The following ELAVL2 variants were observed in gnomAD, a reference collection of about 807,000 sequenced individuals.
ELAVL2 encodes ELAV-like protein 2.
Under a neutral mutation model 34.6 loss-of-function variants are expected in ELAVL2, and 4 were observed. That is an observed-to-expected ratio of 0.12 (90% confidence interval 0.06 to 0.26). The LOEUF is 0.26. ELAVL2 is among the 10% of genes least tolerant of loss of function. ELAVL2 has a pLI of 1.00. For synonymous variants in ELAVL2, 193 were observed against 154.8 expected (o/e 1.25, Z -1.83); for missense variants, 432 against 442.8 (o/e 0.98, Z 0.22).
chr9:23,708,536 T>A (rs1397064100), intron 3 of ELAVL2, among the ~76,000 whole-genome samples: 1 of 152,248 alleles, frequency 6.6e-6, no homozygotes, highest in Non-Finnish European at 1.5e-5. Context: ...TCACTTGTTC[T>A]GAGTTGGGAA....
At chr9:23,771,378 G>T (rs987367696) in intron 1 of ELAVL2, among the ~76,000 whole-genome samples, 1 of 152,036 alleles carries the variant, frequency 6.6e-6, no homozygotes, top group Non-Finnish European at 1.5e-5. Context: ...AGCAAAGGAA[G>T]AGATTTTATG....
intron 3 of ELAVL2, among the ~76,000 whole-genome samples, chr9:23,724,362 T>A (rs2044535675): frequency 6.6e-6 from 1 of 152,178 alleles, no homozygotes; most frequent in Non-Finnish European, 1.5e-5. Flanking sequence ...GCCTAGTTAT[T>A]GCCCTTTGAG....
the ELAVL2 span, among the ~76,000 whole-genome samples, chr9:23,831,838 G>A: frequency 2.0e-4 from 31 of 152,074 alleles, no homozygotes; most frequent in Non-Finnish European, 4.0e-4. Flanking sequence ...GGCAGTGAGA[G>A]AGAAGAAAAA....
intron 1 of ELAVL2, among the ~76,000 whole-genome samples, chr9:23,788,208 CAAGT>C (rs2059925955): frequency 6.6e-6 from 1 of 152,118 alleles, no homozygotes; most frequent in Non-Finnish European, 1.5e-5. Flanking sequence ...TAAAATATAA[CAAGT>C]GAGTGACAAT....
chr9:23,731,089 T>C lies in ELAVL2; in HGVS notation c.266A>G (p.Asp89Gly). 6.2e-7 allele frequency: 1 copy of C among 1,613,032 alleles called. No homozygotes were observed. Among genetic ancestry groups the C allele is most frequent in the Non-Finnish European group, 8.5e-7 (1 of 1,179,378 alleles). The part of the protein sequence containing the change: ...SLGYGFVNYI[D>G]PKDAEKAINT... ...GATAGCTTTCTCTGCATCCTTGGGG[T>C]CAATGTAGTTCACAAAGCCATATCC... Residue 89 changes from aspartate to glycine, a missense_variant, in exon 3 of 7, where the codon GAC (aspartate) becomes GGC (glycine). By Grantham distance (94) the Asp-to-Gly change is moderately conservative. This residue lies in a region of ELAVL2 where 132 missense variants were observed against 118.3 expected (regional missense o/e 1.12). Transcript: ENST00000397312.
intron 5 of ELAVL2, among the ~76,000 whole-genome samples, chr9:23,698,335 A>G (rs1405234513): frequency 6.6e-6 from 1 of 152,240 alleles, no homozygotes. Context: ...GTATTAGACC[A>G]GCAGTGCTCA....
At chr9:23,800,282 G>C (rs1351890082) in intron 1 of ELAVL2, among the ~76,000 whole-genome samples, 2 of 152,164 alleles carry the variant, frequency 1.3e-5, no homozygotes, top group Non-Finnish European at 2.9e-5. Flanking sequence ...TAACAATCAA[G>C]TCCTAAAACA....
intron 1 of ELAVL2, among the ~76,000 whole-genome samples, chr9:23,808,088 T>C (rs994437715): frequency 1.3e-5 from 2 of 152,120 alleles, no homozygotes; most frequent in African/African-American, 2.4e-5. Context: ...TCAAGGAGAA[T>C]AGAGTTTAAT....
At chr9:23,699,812 G>GTTTTGT (rs2036518733) in intron 5 of ELAVL2, among the ~76,000 whole-genome samples, 1 of 82,970 alleles carries the variant, frequency 1.2e-5, no homozygotes, top group East Asian at 4.5e-4. Context: ...GGTGGCAAAG[G>GTTTTGT]TTTTTTTTTT....
At chr9:23,841,507 G>A in the ELAVL2 span, among the ~76,000 whole-genome samples, 2 of 151,726 alleles carry the variant, frequency 1.3e-5, no homozygotes, top group Admixed American at 1.3e-4. Flanking sequence ...AATGCAAACC[G>A]CATAGATTAC....
intron 2 of ELAVL2, among the ~76,000 whole-genome samples, chr9:23,755,723 T>A (rs2053392682): frequency 6.6e-6 from 1 of 152,120 alleles, no homozygotes; most frequent in South Asian, 2.1e-4. Context: ...GCATCTCCTT[T>A]CCTACAGACC....
intron 2 of ELAVL2, among the ~76,000 whole-genome samples, chr9:23,750,597 C>T (rs1241846884): frequency 6.6e-6 from 1 of 151,634 alleles, no homozygotes; most frequent in Non-Finnish European, 1.5e-5. Flanking sequence ...CTCAGGTTCA[C>T]AAAAGAAAAA....
At chr9:23,837,763 GAT>G in the ELAVL2 span, among the ~76,000 whole-genome samples, 4 of 152,116 alleles carry the variant, frequency 2.6e-5, no homozygotes, top group Admixed American at 2.0e-4. Flanking sequence ...CTAGAAAACA[GAT>G]ATTACGATGA....
chr9:23,726,378 C>T (rs1383573929), intron 3 of ELAVL2, among the ~76,000 whole-genome samples: 1 of 152,064 alleles, frequency 6.6e-6, no homozygotes, highest in Non-Finnish European at 1.5e-5. Flanking sequence ...TGGTCTATAG[C>T]TGAATGATTA....
chr9:23,793,867 T>C (rs2060604330), intron 1 of ELAVL2, among the ~76,000 whole-genome samples: 1 of 152,214 alleles, frequency 6.6e-6, no homozygotes, highest in South Asian at 2.1e-4. Flanking sequence ...ATGCTCTTCA[T>C]TATAAGCTTT....
At chr9:23,763,762 T>G (rs752047047) in intron 1 of ELAVL2, among the ~76,000 whole-genome samples, 5 of 152,118 alleles carry the variant, frequency 3.3e-5, no homozygotes, top group Admixed American at 6.6e-5. Flanking sequence ...GAATCAGTGC[T>G]GTCATGATAA....
At chr9:23,825,065 T>C (rs1433696933) in intron 1 of ELAVL2, among the ~76,000 whole-genome samples, 1 of 152,172 alleles carries the variant, frequency 6.6e-6, no homozygotes, top group East Asian at 1.9e-4. Flanking sequence ...ATTTACGCTT[T>C]TCTGAACAAA....
chr9:23,698,568 G>C (rs1157309269), intron 5 of ELAVL2, among the ~76,000 whole-genome samples: 1 of 152,104 alleles, frequency 6.6e-6, no homozygotes, highest in East Asian at 1.9e-4. Context: ...TAAAAATACA[G>C]TGAGAAATTT....
intron 1 of ELAVL2, among the ~76,000 whole-genome samples, chr9:23,767,069 G>C (rs2056422277): frequency 6.6e-6 from 1 of 152,170 alleles, no homozygotes; most frequent in African/African-American, 2.4e-5. Context: ...CTTTAGCATA[G>C]ATGAATCTAG....
Sources: allele counts gnomAD v4.1 joint callset (sites outside exome capture counted in the v4.1 genomes callset), GRCh38; gene constraint gnomAD v4.1.1; regional missense constraint gnomAD v4.1.1; transcripts MANE v1.5; gene names NCBI Gene and HGNC (gene_info 2026-07-23, HGNC 2026-07-21).